MAP2K4: variants seen among roughly 807,000 people sequenced by gnomAD.
MAP2K4 encodes mitogen-activated protein kinase kinase 4.
Under a neutral mutation model 48.5 loss-of-function variants are expected in MAP2K4, and 4 were observed. That is an observed-to-expected ratio of 0.08 (90% CI 0.04 to 0.19). The LOEUF (loss-of-function observed/expected upper bound fraction) is 0.19. Ranked by LOEUF, MAP2K4 falls within the 10% of genes least tolerant of loss-of-function variation. The pLI is 1.00. For synonymous variants in MAP2K4, 166 were observed against 173.1 expected, an observed-to-expected ratio of 0.96 and a Z score of 0.32; for missense variants, 258 against 493.3, an observed-to-expected ratio of 0.52 and a Z score of 4.52.
chr17:12,048,133 G>A (rs1027188099), intron 1 of MAP2K4, among the ~76,000 whole-genome samples: 3 of 152,144 alleles, frequency 2.0e-5, no homozygotes, highest in African/African-American at 7.2e-5. Flanking sequence ...CTCCCAAAGT[G>A]CTGGGATTAC....
chr17:12,088,475 T>G (rs1971440912), intron 3 of MAP2K4, among the ~76,000 whole-genome samples: 1 of 128,780 alleles, frequency 7.8e-6, no homozygotes, highest in Non-Finnish European at 1.6e-5. Flanking sequence ...ATATTAAATA[T>G]AATATTAAAT....
chr17:12,064,016 G>GC (rs1268507169), intron 2 of MAP2K4, among the ~76,000 whole-genome samples: 9 of 120,224 alleles, frequency 7.5e-5, no homozygotes, highest in Non-Finnish European at 1.6e-4. Flanking sequence ...GAGAGGGGAA[G>GC]GGGGGGAGAG....
At chr17:12,138,205 A>T (rs1311024628) in intron 9 of MAP2K4, among the ~76,000 whole-genome samples, 1 of 151,208 alleles carries the variant, frequency 6.6e-6, no homozygotes, top group Non-Finnish European at 1.5e-5. Context: ...CAATTTATAG[A>T]CTGCTTTGAT....
At chr17:12,101,492 A>G (rs1039998075) in intron 4 of MAP2K4, among the ~76,000 whole-genome samples, 3 of 151,794 alleles carry the variant, frequency 2.0e-5, no homozygotes, top group Non-Finnish European at 4.4e-5. Flanking sequence ...TATCCTTTCT[A>G]TTTTCATGTG....
chr17:12,119,432 A>T (rs139290914), intron 7 of MAP2K4, among the ~76,000 whole-genome samples: 102 of 152,376 alleles, frequency 6.7e-4, no homozygotes, highest in Non-Finnish European at 1.1e-3. Context: ...AATCAAAACC[A>T]CAATGAGATA....
At chr17:12,107,631 T>A (rs1464615360) in intron 4 of MAP2K4, among the ~76,000 whole-genome samples, 159 bp from the exon 5 acceptor site, 1 of 152,054 alleles carries the variant, frequency 6.6e-6, no homozygotes, top group Non-Finnish European at 1.5e-5. Context: ...GAGTAGAATA[T>A]TCTGTTGAAG....
intron 2 of MAP2K4, among the ~76,000 whole-genome samples, chr17:12,073,867 G>A (rs555649799): frequency 4.0e-5 from 6 of 150,354 alleles, no homozygotes; most frequent in East Asian, 4.0e-4. Flanking sequence ...TCTGCCTCCC[G>A]GGTTGAAGAG....
intron 1 of MAP2K4, among the ~76,000 whole-genome samples, chr17:12,042,064 C>G (rs1969804115): frequency 6.7e-6 from 1 of 148,924 alleles, no homozygotes; most frequent in Admixed American, 6.8e-5. Context: ...ACCTATAATC[C>G]CAGCTACTTG....
intron 9 of MAP2K4, among the ~76,000 whole-genome samples, chr17:12,134,029 G>A (rs548700577): frequency 7.9e-5 from 12 of 152,330 alleles, no homozygotes; most frequent in Middle Eastern, 3.4e-3. Flanking sequence ...TAACAACAAC[G>A]CCTGTGTTGG....
At chr17:12,074,489 A>G (rs1051749125) in intron 2 of MAP2K4, among the ~76,000 whole-genome samples, 17 of 152,156 alleles carry the variant, frequency 1.1e-4, no homozygotes, top group African/African-American at 7.2e-5. Context: ...AAATCCTTCT[A>G]ACTACTTTAT....
At chr17:12,072,332 A>G (rs1189892335) in intron 2 of MAP2K4, among the ~76,000 whole-genome samples, 2 of 152,188 alleles carry the variant, frequency 1.3e-5, no homozygotes, top group Admixed American at 6.5e-5. Flanking sequence ...AGCCCAATAC[A>G]GTATTTTCAG....
At chr17:12,120,536 C>CG (rs1009109065) in intron 7 of MAP2K4, among the ~76,000 whole-genome samples, 9 of 132,274 alleles carry the variant, frequency 6.8e-5, no homozygotes, top group East Asian at 2.6e-4. Context: ...TCCCTCATTC[C>CG]CCCCCCCATA....
chr17:12,105,148 T>C (rs769964916), intron 4 of MAP2K4, among the ~76,000 whole-genome samples: 3 of 152,124 alleles, frequency 2.0e-5, no homozygotes, highest in African/African-American at 4.8e-5. Flanking sequence ...TTTAAAATTA[T>C]CTTAGTTATT....
At chr17:12,116,192 A>G (rs182679867) in intron 7 of MAP2K4, among the ~76,000 whole-genome samples, 1 of 152,286 alleles carries the variant, frequency 6.6e-6, no homozygotes, top group Admixed American at 6.5e-5. Context: ...AAATACACTA[A>G]TTTTCCATAC....
intron 4 of MAP2K4, among the ~76,000 whole-genome samples, chr17:12,104,746 T>C (rs1480181386): frequency 1.3e-5 from 2 of 152,118 alleles, no homozygotes; most frequent in African/African-American, 2.4e-5. Flanking sequence ...TTCATTATTA[T>C]GGGGTTAAAT....
intron 3 of MAP2K4, among the ~76,000 whole-genome samples, chr17:12,090,651 C>T (rs1193595614): frequency 6.6e-6 from 1 of 152,174 alleles, no homozygotes; most frequent in Non-Finnish European, 1.5e-5. Context: ...ACTATCCCTT[C>T]TCCCTGTCTC....
intron 1 of MAP2K4, among the ~76,000 whole-genome samples, chr17:12,038,822 T>C (rs765007040): frequency 4.6e-5 from 7 of 152,340 alleles, no homozygotes; most frequent in Non-Finnish European, 1.0e-4. Flanking sequence ...GGGGCAGAAC[T>C]GTGTGACCTT....
chr17:12,081,268 C>T lies in MAP2K4; in HGVS notation c.219-88C>T, dbSNP rs1268197295. ...CAGACTATTTTAGTAATTTAGAAAA[C>T]ATTTTTCCCACACATTAATCAGTAC... On this transcript the variant is annotated intron_variant, in intron 2 of 10. Transcript: ENST00000353533. This position sits in a 1 kb window ranked among gnomAD's most constrained non-coding sequence, Gnocchi z 4.2. The T allele has an allele frequency of 7.8e-6, 8 of 1,025,122 alleles. No homozygotes were observed. The highest frequency in any genetic ancestry group is 1.1e-5 in the Non-Finnish European group (8 of 713,876). The allele number at this position is 1,025,122 out of a possible 1,614,324, so 63.5% of individuals were successfully genotyped here.
intron 2 of MAP2K4, among the ~76,000 whole-genome samples, chr17:12,069,078 T>C (rs1285423952): frequency 6.6e-6 from 1 of 152,174 alleles, no homozygotes; most frequent in Non-Finnish European, 1.5e-5. Context: ...GTGCATGATG[T>C]TATAGAAATC....
Sources: gnomAD v4.1 joint callset for allele counts (sites outside exome capture counted in the v4.1 genomes callset) on GRCh38, gnomAD v4.1.1 for gene constraint, Gnocchi (gnomAD v3.1) non-coding constraint, MANE v1.5 for transcripts, NCBI Gene and HGNC (gene_info 2026-07-23, HGNC 2026-07-21) for gene names.